Variants in GREB1L observed in about 807,000 individuals in gnomAD.
The protein encoded by GREB1L is GREB1 like retinoic acid receptor coactivator, also known as GREB1-like protein.
GREB1L carries 17 observed loss-of-function variants against 200.8 expected under a neutral mutation model. The observed-to-expected ratio is 0.08, with a 90% CI of 0.06 to 0.13. The LOEUF (loss-of-function observed/expected upper bound fraction) is 0.13. Ranked by LOEUF, GREB1L falls within the 10% of genes least tolerant of loss-of-function variation. The pLI is 1.00. For synonymous variants in GREB1L, 789 were observed against 893.0 expected (o/e 0.88, Z 2.08); for missense variants, 1,657 against 2,367.7 (o/e 0.70, Z 6.23).
chr18:21,435,019 A>G (rs931012849), intron 7 of GREB1L: 1 of 152,672 alleles, frequency 6.5e-6, no homozygotes, highest in African/African-American at 2.4e-5. Flanking sequence ...CGGAATAACA[A>G]TGTTGTGAAA....
chr18:21,258,468 A>G (rs1362966500), intron 1 of GREB1L, among the ~76,000 whole-genome samples: 3 of 152,144 alleles, frequency 2.0e-5, no homozygotes, highest in Non-Finnish European at 4.4e-5. Flanking sequence ...GCTTTCTTCC[A>G]TGGCTATGTA....
chr18:21,312,762 G>C (rs1331151650), intron 1 of GREB1L, among the ~76,000 whole-genome samples: 1 of 151,972 alleles, frequency 6.6e-6, no homozygotes, highest in African/African-American at 2.4e-5. Context: ...CCATGTTGGC[G>C]AGGATGGTCT....
At chr18:21,336,399 C>T (rs1198135068) in intron 1 of GREB1L, among the ~76,000 whole-genome samples, 1 of 152,158 alleles carries the variant, frequency 6.6e-6, no homozygotes, top group East Asian at 1.9e-4. Flanking sequence ...GTGAAGTGAC[C>T]TGCGTAGCTG....
At chr18:21,458,881 G>A (rs141508291) in intron 15 of GREB1L, among the ~76,000 whole-genome samples, 42 of 152,114 alleles carry the variant, frequency 2.8e-4, no homozygotes, top group Admixed American at 7.2e-4. Flanking sequence ...TTCTAATTCG[G>A]AGGACCCCGC....
At chr18:21,312,891 T>C (rs1398226739) in intron 1 of GREB1L, among the ~76,000 whole-genome samples, 1 of 152,166 alleles carries the variant, frequency 6.6e-6, no homozygotes, top group Non-Finnish European at 1.5e-5. Flanking sequence ...TCATATCTCA[T>C]TGTGGTTTTG....
At chr18:21,429,456 C>G (rs112713723) in intron 7 of GREB1L, among the ~76,000 whole-genome samples, 2 of 151,616 alleles carry the variant, frequency 1.3e-5, no homozygotes, top group African/African-American at 4.8e-5. Flanking sequence ...AGTCCTCCCA[C>G]TTCAGCCTCC....
chr18:21,339,613 T>C (rs903647445), intron 1 of GREB1L, among the ~76,000 whole-genome samples: 2 of 152,238 alleles, frequency 1.3e-5, no homozygotes, highest in African/African-American at 4.8e-5. Flanking sequence ...TTTTCTCATG[T>C]AATGAATGAA....
At chr18:21,280,087 A>T (rs2038242567) in intron 1 of GREB1L, among the ~76,000 whole-genome samples, 1 of 152,208 alleles carries the variant, frequency 6.6e-6, no homozygotes, top group Admixed American at 6.5e-5. Flanking sequence ...TGTGTTGTAC[A>T]TTGTATGGGT....
chr18:21,403,629 T>C (rs1272837551), intron 6 of GREB1L, among the ~76,000 whole-genome samples: 6 of 152,206 alleles, frequency 3.9e-5, no homozygotes, highest in Non-Finnish European at 7.3e-5. Flanking sequence ...CTCTGGGAAC[T>C]AGTATGTAGG....
At chr18:21,279,370 A>G (rs2038228457) in intron 1 of GREB1L, among the ~76,000 whole-genome samples, 1 of 152,080 alleles carries the variant, frequency 6.6e-6, no homozygotes, top group Admixed American at 6.6e-5. Flanking sequence ...TTATATGCCT[A>G]AATTTCTTTA....
At chr18:21,355,712 T>C (rs949444779) in intron 1 of GREB1L, among the ~76,000 whole-genome samples, 1 of 152,164 alleles carries the variant, frequency 6.6e-6, no homozygotes, top group Non-Finnish European at 1.5e-5. Flanking sequence ...CTCAAAGGCA[T>C]GTTAGATGAG....
chr18:21,385,533 G>T (rs1479091707), intron 4 of GREB1L, among the ~76,000 whole-genome samples: 1 of 152,142 alleles, frequency 6.6e-6, no homozygotes. Context: ...GGCCCTGCCT[G>T]TAGCGCATTA....
chr18:21,258,867 T>C (rs2037844292), intron 1 of GREB1L, among the ~76,000 whole-genome samples: 1 of 152,130 alleles, frequency 6.6e-6, no homozygotes, highest in East Asian at 1.9e-4. Flanking sequence ...TCCTAGTTAA[T>C]AAAAAATAGT....
At chr18:21,356,830 C>T (rs2039511499) in intron 1 of GREB1L, among the ~76,000 whole-genome samples, 1 of 152,214 alleles carries the variant, frequency 6.6e-6, no homozygotes, top group Admixed American at 6.5e-5. Flanking sequence ...TCCTCTCCAA[C>T]ACCTGTTATC....
At chr18:21,244,842 G>A (rs1440615321) in intron 1 of GREB1L, among the ~76,000 whole-genome samples, 1 of 152,098 alleles carries the variant, frequency 6.6e-6, no homozygotes, top group African/African-American at 2.4e-5. Context: ...AATTCTCCTC[G>A]CAGCCCACAG....
chr18:21,426,052 G>A (rs890760674), intron 7 of GREB1L, among the ~76,000 whole-genome samples: 2 of 143,080 alleles, frequency 1.4e-5, no homozygotes, highest in Non-Finnish European at 3.0e-5. Flanking sequence ...ATCTATTTTA[G>A]GTTAATTTTT....
chr18:21,475,071 C>T (rs192084369), intron 16 of GREB1L, among the ~76,000 whole-genome samples: 1 of 152,226 alleles, frequency 6.6e-6, no homozygotes, highest in Non-Finnish European at 1.5e-5. Context: ...TTTAGAGATT[C>T]CTGAAAAAAT....
At chr18:21,325,227 A>G (rs2039004730) in intron 1 of GREB1L, among the ~76,000 whole-genome samples, 1 of 152,156 alleles carries the variant, frequency 6.6e-6, no homozygotes, top group Non-Finnish European at 1.5e-5. Flanking sequence ...TTATGAAGAG[A>G]GCGTTTTTGT....
chr18:21,468,273 G>T (rs1360986271), intron 15 of GREB1L, among the ~76,000 whole-genome samples: 1 of 152,128 alleles, frequency 6.6e-6, no homozygotes, highest in Non-Finnish European at 1.5e-5. Flanking sequence ...CCAAGTGAAA[G>T]AAGCCAATCA....
Sources: gnomAD v4.1 joint callset for allele counts (sites outside exome capture counted in the v4.1 genomes callset) on GRCh38, gnomAD v4.1.1 for gene constraint, MANE v1.5 for transcripts, NCBI Gene and HGNC (gene_info 2026-07-23, HGNC 2026-07-21) for gene names.